Variants in PWWP3B observed in about 807,000 individuals in gnomAD.
The protein encoded by PWWP3B is PWWP domain-containing DNA repair factor 3B.
In PWWP3B, 5 loss-of-function variants were observed where a neutral mutation model predicts 15.7. That is an observed-to-expected ratio of 0.32 (90% CI 0.17 to 0.67). The LOEUF is 0.67. PWWP3B is among the 30% of genes least tolerant of loss of function. The probability of loss-of-function intolerance (pLI) is 0.74; values close to 1 mark genes in which losing one functional copy is unlikely to be tolerated. For missense variants in PWWP3B, 519 were observed against 493.1 expected (o/e 1.05, Z -0.50); for synonymous variants, 203 against 179.8 (o/e 1.13, Z -1.03).
chrX:106,189,403 C>T (rs186053709), intron 2 of PWWP3B, among the ~76,000 whole-genome samples: 75 of 109,040 alleles, frequency 6.9e-4, no homozygotes, highest in Non-Finnish European at 1.4e-3. Context: ...ACAACAGTCC[C>T]CGATGTGTGA....
At position 106,207,344 on chromosome X, in the gene PWWP3B, G is replaced by T. The variant is rs767349137; in HGVS notation, c.1912G>T (p.Glu638Ter). 1 of 1,192,801 alleles carries T rather than the reference G, an allele frequency of 8.4e-7. No homozygotes were observed. The highest frequency in any genetic ancestry group is 1.8e-5 in the African/African-American group (1 of 57,071). Reference sequence around the variant, plus strand: ...AGATGATAAAATTAAATTTATCCTAGAAGTTCTTCTGCCAGAAGCAATTAT... The same window carrying T: ...AGATGATAAAATTAAATTTATCCTATAAGTTCTTCTGCCAGAAGCAATTAT... Reference protein sequence around the residue: ...IKDDKIKFILEVLLPEAIICS... With the variant: ...IKDDKIKFIL The change falls in exon 4 of 4, where the codon GAA becomes TAA. Residue 638 changes from glutamate to a stop codon, truncating the protein, a stop_gained. Coordinates refer to ENST00000357175, the MANE Select transcript of PWWP3B (RefSeq NM_001171020.2). LOFTEE classifies it high-confidence loss of function.
At chrX:106,177,929 A>G (rs148833271) in intron 2 of PWWP3B, among the ~76,000 whole-genome samples, 2,444 of 111,969 alleles carry the variant, frequency 0.022, 66 homozygotes, top group African/African-American at 0.076. Flanking sequence ...TTTAAAATCT[A>G]TTTTTCACTA....
chrX:106,182,907 A>C (rs1222664060), intron 2 of PWWP3B, among the ~76,000 whole-genome samples: 2 of 111,586 alleles, frequency 1.8e-5, no homozygotes, highest in East Asian at 5.6e-4. Context: ...CAGGATCAGC[A>C]GGAGGAGCCT....
intron 2 of PWWP3B, among the ~76,000 whole-genome samples, chrX:106,189,118 A>C (rs2147608897): frequency 8.9e-6 from 1 of 112,516 alleles, no homozygotes; most frequent in South Asian, 3.7e-4. Context: ...TTCCACCAGC[A>C]ATGTATGAGA....
At chrX:106,177,891 C>T (rs775225188) in intron 2 of PWWP3B, among the ~76,000 whole-genome samples, 1 of 112,260 alleles carries the variant, frequency 8.9e-6, no homozygotes, top group South Asian at 3.7e-4. Context: ...GAGTGTTCAT[C>T]TCTGAGTGTT....
Position 106,206,820 on chromosome X carries a change from G to A in PWWP3B, c.1388G>A (p.Ser463Asn), listed in dbSNP as rs1034258291. Reference sequence around the variant, plus strand: ...GTGGACAAAGCCAGGGAGGATTATAGTGAGAGTATTGACTGGTGCATCTCA... The same window carrying A: ...GTGGACAAAGCCAGGGAGGATTATAATGAGAGTATTGACTGGTGCATCTCA... ...MLVDKAREDYSESIDWCISLI... is the reference protein window; with the variant it reads ...MLVDKAREDYNESIDWCISLI... Residue 463 changes from serine (S) to asparagine (N), a missense_variant, in exon 4 of 4, where the codon AGT (serine) becomes AAT (asparagine). Transcript: ENST00000357175. 4.1e-6 allele frequency: 5 copies of A among 1,209,757 alleles called. No homozygotes were observed. Among genetic ancestry groups the A allele is most frequent in the African/African-American group, 1.7e-5 (1 of 57,279 alleles).
chrX:106,194,288 A>G (rs749574338), intron 2 of PWWP3B, among the ~76,000 whole-genome samples: 1 of 110,761 alleles, frequency 9.0e-6, no homozygotes, highest in Non-Finnish European at 1.9e-5. Context: ...CATTTCATTC[A>G]TTTCGTCTTC....
At chrX:106,198,646 A>G (rs1422236927) in intron 2 of PWWP3B, among the ~76,000 whole-genome samples, 1 of 111,704 alleles carries the variant, frequency 9.0e-6, no homozygotes, top group African/African-American at 3.2e-5. Context: ...CAGTATTAGC[A>G]TTTGCTATTA....
intron 2 of PWWP3B, among the ~76,000 whole-genome samples, chrX:106,190,700 C>T (rs1181587769): frequency 9.0e-6 from 1 of 111,705 alleles, no homozygotes; most frequent in Non-Finnish European, 1.9e-5. Context: ...AGTCTTTAAT[C>T]CATCTTGAAT....
chrX:106,189,603 C>CCA (rs1216052412), intron 2 of PWWP3B, among the ~76,000 whole-genome samples: 1 of 108,607 alleles, frequency 9.2e-6, no homozygotes, highest in African/African-American at 3.3e-5. Flanking sequence ...TGTATATGTG[C>CCA]CACATTTTCT....
intron 2 of PWWP3B, among the ~76,000 whole-genome samples, chrX:106,178,720 G>T (rs1181055077): frequency 9.0e-6 from 1 of 111,661 alleles, no homozygotes; most frequent in Non-Finnish European, 1.9e-5. Context: ...AGCTTAAGCA[G>T]GACAAAAAGC....
chrX:106,189,424 T>C (rs1318920679), intron 2 of PWWP3B, among the ~76,000 whole-genome samples: 1 of 108,754 alleles, frequency 9.2e-6, no homozygotes, highest in Non-Finnish European at 1.9e-5. Flanking sequence ...TGTTCCCCTT[T>C]CTGTGTCCAT....
chrX:106,180,656 G>A (rs1402412166), intron 2 of PWWP3B, among the ~76,000 whole-genome samples: 1 of 111,860 alleles, frequency 8.9e-6, no homozygotes, highest in East Asian at 2.8e-4. Flanking sequence ...TAGTTTTCTG[G>A]TTAAACCAGA....
rs552492479 is a variant in PWWP3B at position 106,185,254 on chromosome X, A to G, written c.-401+14115A>G. ...GGGTTTGCAGGTCAAATTGGTCCCA[A>G]TGGCTTAGGATACATTTCAAGTGTG... On this transcript the variant is annotated intron_variant, in intron 2 of 3. Coordinates refer to ENST00000357175, the MANE Select transcript of PWWP3B (RefSeq NM_001171020.2). 4.5e-5 allele frequency among the ~76,000 whole-genome samples: 5 copies of G among 111,538 alleles called. No individual in the cohort carries two copies. In the Middle Eastern group the frequency reaches 0.014, roughly 308 times the overall value.
intron 2 of PWWP3B, among the ~76,000 whole-genome samples, chrX:106,190,067 G>A (rs1922818918): frequency 9.0e-6 from 1 of 111,477 alleles, no homozygotes; most frequent in Non-Finnish European, 1.9e-5. Flanking sequence ...CCAGTAATGG[G>A]ATGGCTGGGT....
intron 2 of PWWP3B, among the ~76,000 whole-genome samples, chrX:106,188,840 A>G (rs1602844081): frequency 1.8e-5 from 2 of 112,679 alleles, no homozygotes; most frequent in South Asian, 7.2e-4. Context: ...TGCATATATC[A>G]GTAATTTATT....
At chrX:106,199,914 A>G (rs758806668) in intron 2 of PWWP3B, among the ~76,000 whole-genome samples, 2 of 111,852 alleles carry the variant, frequency 1.8e-5, no homozygotes, top group Non-Finnish European at 3.8e-5. Flanking sequence ...AAATTAAACC[A>G]GTAACAGAAG....
intron 2 of PWWP3B, among the ~76,000 whole-genome samples, chrX:106,188,498 C>T (rs752368832): frequency 9.8e-5 from 11 of 111,757 alleles, no homozygotes; most frequent in Non-Finnish European, 1.9e-4. Flanking sequence ...GATTGAATGA[C>T]TTTTTAAGAC....
At chrX:106,182,976 G>A (rs981214965) in intron 2 of PWWP3B, among the ~76,000 whole-genome samples, 1 of 111,160 alleles carries the variant, frequency 9.0e-6, no homozygotes, top group Admixed American at 9.5e-5. Context: ...ACGGTTTGCA[G>A]GTGTATCAAG....
Sources: allele counts gnomAD v4.1 joint callset (sites outside exome capture counted in the v4.1 genomes callset), GRCh38; gene constraint gnomAD v4.1.1; transcripts MANE v1.5; gene names NCBI Gene and HGNC (gene_info 2026-07-23, HGNC 2026-07-21).